The following PCDHGA5 variants were observed in gnomAD, a reference collection of about 807,000 sequenced individuals.
The protein encoded by PCDHGA5 is protocadherin gamma subfamily A, 5, also known as protocadherin gamma-A5.
A neutral mutation model predicts 56.7 loss-of-function variants in PCDHGA5; 36 were observed. The observed-to-expected ratio is 0.64, with a 90% CI of 0.49 to 0.84. The LOEUF (loss-of-function observed/expected upper bound fraction) is 0.84, where lower values mean the gene tolerates loss of function less well. Ranked by LOEUF, PCDHGA5 falls within the 40% of genes least tolerant of loss-of-function variation. PCDHGA5 has a pLI of 0.00. For synonymous variants in PCDHGA5, 563 were observed against 520.2 expected, an observed-to-expected ratio of 1.08 and a Z score of -1.12; for missense variants, 1,305 against 1,201.5, an observed-to-expected ratio of 1.09 and a Z score of -1.27.
Position 141,365,644 on chromosome 5 carries a change from C to A in PCDHGA5, c.1314C>A (p.Ile438=), listed in dbSNP as rs762390093. Reference sequence around the variant, plus strand: ...CGCCCCTCTCTACAGAAAGCCACATCCCCTTGAAAGTAGCAGACGTTAATG... The same window carrying A: ...CGCCCCTCTCTACAGAAAGCCACATACCCTTGAAAGTAGCAGACGTTAATG... ...GTPPLSTESH[I]PLKVADVNDN... Residue 438 remains isoleucine (I), a synonymous_variant, in exon 1 of 4, where the codon ATC becomes ATA. Transcript: ENST00000518069. The A allele has an allele frequency of 1.9e-6, 3 of 1,613,554 alleles. No homozygotes were observed. Among genetic ancestry groups the A allele is most frequent in the Non-Finnish European group, 2.5e-6 (3 of 1,179,840 alleles).
At chr5:141,420,216 T>C in intron 1 of PCDHGA5, 1 of 1,609,316 alleles carries the variant, frequency 6.2e-7, no homozygotes, top group African/African-American at 1.3e-5. Context: ...AAAGATAGCA[T>C]GCTACTGGCT....
intron 1 of PCDHGA5, chr5:141,390,549 T>A (rs1258668887): frequency 2.1e-6 from 1 of 482,262 alleles, no homozygotes; most frequent in Non-Finnish European, 3.7e-6. Context: ...AAAGTGAAAG[T>A]GTTAGACAGT....
chr5:141,385,687 C>T, intron 1 of PCDHGA5: 1 of 334,978 alleles, frequency 3.0e-6, no homozygotes, highest in Non-Finnish European at 4.4e-6. Context: ...GCTGTCTTCT[C>T]AGGATTCTCT....
intron 1 of PCDHGA5, chr5:141,412,531 T>G (rs534627173): frequency 1.7e-4 from 26 of 152,304 alleles, no homozygotes; most frequent in African/African-American, 5.8e-4. Flanking sequence ...GTTACAATTA[T>G]AAAGCTTCAG....
In PCDHGA5 at chr5:141,372,495, G is replaced by A. The variant is rs770848334; in HGVS notation, c.2421+5744G>A. On this transcript the variant is annotated intron_variant, in intron 1 of 3. Transcript: ENST00000518069. The stretch of plus-strand genomic sequence containing the variant: ...AGTAGTGGCGTTGGCCTTGATCTCA[G>A]TGCTCTTCCTCCTCGCGGTGATTCT... 2.0e-5 allele frequency: 32 copies of A among 1,613,936 alleles called. No individual in the cohort carries two copies. Among genetic ancestry groups the A allele is most frequent in the Non-Finnish European group, 2.6e-5 (31 of 1,179,902 alleles).
intron 1 of PCDHGA5, among the ~76,000 whole-genome samples, chr5:141,424,884 T>C (rs953145254): frequency 2.0e-5 from 3 of 152,186 alleles, no homozygotes; most frequent in Non-Finnish European, 4.4e-5. Flanking sequence ...AGGAGACTTA[T>C]CTAGGGTTTT....
intron 1 of PCDHGA5, chr5:141,415,324 G>A (rs2095854761): frequency 1.9e-6 from 3 of 1,614,108 alleles, no homozygotes; most frequent in African/African-American, 2.7e-5. Flanking sequence ...CGTGCTGCTG[G>A]CGCACAGGCT....
chr5:141,468,300 G>C (rs2099162063), intron 1 of PCDHGA5, among the ~76,000 whole-genome samples: 1 of 146,430 alleles, frequency 6.8e-6, no homozygotes, highest in Non-Finnish European at 1.5e-5. Flanking sequence ...ACCCCAGCCT[G>C]GGCAACAAGA....
intron 1 of PCDHGA5, chr5:141,411,226 C>G (rs781690096): frequency 6.6e-6 from 1 of 151,996 alleles, no homozygotes; most frequent in South Asian, 2.1e-4. Flanking sequence ...TTCAAATTTG[C>G]GAAGACTTAG....
intron 3 of PCDHGA5, among the ~76,000 whole-genome samples, chr5:141,510,272 T>TA (rs546154379): frequency 0.17 from 22,022 of 130,294 alleles, 2,255 homozygotes; most frequent in African/African-American, 0.28. Flanking sequence ...GACTCCATCT[T>TA]AAAAAAAAAA....
chr5:141,384,360 C>T (rs1321195409), intron 1 of PCDHGA5: 2 of 1,613,902 alleles, frequency 1.2e-6, no homozygotes, highest in Non-Finnish European at 1.7e-6. Flanking sequence ...ATGCCCAGAT[C>T]ACTTATTCCT....
At chr5:141,510,402 G>A (rs2099880998) in intron 3 of PCDHGA5, among the ~76,000 whole-genome samples, 1 of 152,008 alleles carries the variant, frequency 6.6e-6, no homozygotes, top group African/African-American at 2.4e-5. Flanking sequence ...GCAAAGGCTA[G>A]GGGCATGTAA....
At chr5:141,460,991 A>G (rs889917939) in intron 1 of PCDHGA5, among the ~76,000 whole-genome samples, 39 of 141,522 alleles carry the variant, frequency 2.8e-4, no homozygotes, top group East Asian at 1.0e-3. Flanking sequence ...GTGTATATAT[A>G]TATATGTGTA....
chr5:141,480,390 T>C (rs753766736), intron 1 of PCDHGA5, among the ~76,000 whole-genome samples: 14 of 151,350 alleles, frequency 9.3e-5, no homozygotes, highest in Non-Finnish European at 1.9e-4. Flanking sequence ...ACTTCAACCA[T>C]GGCAATAGAG....
At chr5:141,510,028 C>A (rs962629835) in intron 3 of PCDHGA5, among the ~76,000 whole-genome samples, 1 of 152,164 alleles carries the variant, frequency 6.6e-6, no homozygotes, top group Non-Finnish European at 1.5e-5. Context: ...GCTGGCTGGG[C>A]TGTTATGTAG....
At chr5:141,499,828 A>G (rs921957227) in intron 2 of PCDHGA5, among the ~76,000 whole-genome samples, 1 of 151,834 alleles carries the variant, frequency 6.6e-6, no homozygotes, top group Non-Finnish European at 1.5e-5. Context: ...CTAGGATTAC[A>G]GGTGTGCACC....
At chr5:141,367,574 ATC>A (rs1765238671) in intron 1 of PCDHGA5, 1 of 151,104 alleles carries the variant, frequency 6.6e-6, no homozygotes, top group Middle Eastern at 3.4e-3. Flanking sequence ...ATAAATAAAT[ATC>A]AGAAAAGTAG....
chr5:141,498,684 C>T (rs1255085852), intron 2 of PCDHGA5, among the ~76,000 whole-genome samples: 1 of 152,192 alleles, frequency 6.6e-6, no homozygotes, highest in South Asian at 2.1e-4. Flanking sequence ...GTAATCCCAG[C>T]ACTTTGGGAG....
chr5:141,414,866 C>G (rs1413236073), intron 1 of PCDHGA5: 1 of 1,614,230 alleles, frequency 6.2e-7, no homozygotes, highest in Non-Finnish European at 8.5e-7. Flanking sequence ...GACAATGCGC[C>G]CGAGATCCTG....
Sources: allele counts gnomAD v4.1 joint callset (sites outside exome capture counted in the v4.1 genomes callset), GRCh38; gene constraint gnomAD v4.1.1; transcripts MANE v1.5; gene names NCBI Gene and HGNC (gene_info 2026-07-23, HGNC 2026-07-21).